The following LRRC37A2 variants were observed in gnomAD, a reference collection of about 807,000 sequenced individuals.
LRRC37A2 encodes leucine-rich repeat-containing protein 37A2.
A neutral mutation model predicts 68.8 loss-of-function variants in LRRC37A2; 9 were observed. The ratio of observed to expected loss-of-function variants is 0.13; its 90% CI spans 0.08 to 0.23. The LOEUF is 0.23. Among genes scored for constraint, LRRC37A2 ranks in the 10% least tolerant of loss-of-function variants. LRRC37A2 has a pLI of 1.00. For missense variants in LRRC37A2, 168 were observed against 950.4 expected (o/e 0.18, Z 10.82); for synonymous variants, 63 against 367.6 (o/e 0.17, Z 9.48).
the LRRC37A2 span, among the ~76,000 whole-genome samples, chr17:46,784,910 G>C: frequency 1.3e-5 from 2 of 151,890 alleles, no homozygotes; most frequent in East Asian, 3.9e-4. Context: ...CGAGTAGCTG[G>C]GACTACAGGC....
At chr17:46,801,701 T>C in the LRRC37A2 span, among the ~76,000 whole-genome samples, 1 of 152,114 alleles carries the variant, frequency 6.6e-6, no homozygotes, top group African/African-American at 2.4e-5. Flanking sequence ...AGAAGATCCG[T>C]TGAGGCTGAG....
chr17:47,020,566 T>C, the LRRC37A2 span, among the ~76,000 whole-genome samples: 4 of 149,770 alleles, frequency 2.7e-5, no homozygotes, highest in Non-Finnish European at 5.9e-5. Context: ...GATCACGAGG[T>C]CAGGAGATCA....
At chr17:46,983,214 G>A in the LRRC37A2 span, among the ~76,000 whole-genome samples, 10 of 151,448 alleles carry the variant, frequency 6.6e-5, no homozygotes, top group Non-Finnish European at 1.2e-4. Context: ...AACCATCCAC[G>A]TCAGGAGCAG....
chr17:46,979,562 T>C, the LRRC37A2 span, among the ~76,000 whole-genome samples: 60,388 of 152,004 alleles, frequency 0.4, 12,419 homozygotes, highest in South Asian at 0.46. Context: ...CTGACTCTCT[T>C]CGCTTATTAT....
At chr17:46,429,436 GT>G in the LRRC37A2 span, among the ~76,000 whole-genome samples, 1 of 73,382 alleles carries the variant, frequency 1.4e-5, no homozygotes, top group African/African-American at 6.0e-5. Flanking sequence ...GGAAGTATGG[GT>G]GAATAAATTC....
chr17:46,944,992 G>T, the LRRC37A2 span, among the ~76,000 whole-genome samples: 1 of 152,206 alleles, frequency 6.6e-6, no homozygotes, highest in East Asian at 1.9e-4. Flanking sequence ...TATCATTCCT[G>T]TTCAGCTGGA....
the LRRC37A2 span, among the ~76,000 whole-genome samples, chr17:46,841,886 C>T: frequency 6.6e-6 from 1 of 152,252 alleles, no homozygotes; most frequent in Non-Finnish European, 1.5e-5. Flanking sequence ...TCTTGCGCTC[C>T]TCTGCGGTGT....
chr17:46,934,338 A>T, the LRRC37A2 span, among the ~76,000 whole-genome samples: 1 of 152,166 alleles, frequency 6.6e-6, no homozygotes, highest in Non-Finnish European at 1.5e-5. Context: ...CCCTGTCTCT[A>T]CCAAAAATAC....
the LRRC37A2 span, among the ~76,000 whole-genome samples, chr17:46,772,136 C>A: frequency 6.6e-6 from 1 of 152,150 alleles, no homozygotes; most frequent in African/African-American, 2.4e-5. Flanking sequence ...TGGGCGCGAA[C>A]CTGGGTTCAA....
the LRRC37A2 span, among the ~76,000 whole-genome samples, chr17:47,001,311 TCTAGTGGCCA>T: frequency 6.6e-6 from 1 of 152,124 alleles, no homozygotes; most frequent in Non-Finnish European, 1.5e-5. Flanking sequence ...GCTGCTGTCC[TCTAGTGGCCA>T]CTGGATAAAT....
At chr17:46,878,802 G>A in the LRRC37A2 span, among the ~76,000 whole-genome samples, 1 of 152,214 alleles carries the variant, frequency 6.6e-6, no homozygotes, top group African/African-American at 2.4e-5. Flanking sequence ...TGCCAGGGTC[G>A]TGGGAGGGCA....
the LRRC37A2 span, among the ~76,000 whole-genome samples, chr17:47,014,900 A>G: frequency 2.0e-5 from 3 of 152,190 alleles, no homozygotes; most frequent in East Asian, 5.8e-4. Context: ...ATCATTTACA[A>G]TCATGTGCTG....
At chr17:46,768,834 G>A in the LRRC37A2 span, 96 of 1,604,564 alleles carry the variant, frequency 6.0e-5, no homozygotes, top group African/African-American at 5.7e-4. This position sits in a 1 kb window ranked among gnomAD's most constrained non-coding sequence, Gnocchi z 5.0. Flanking sequence ...CCAACAGACC[G>A]ACCCCACGAG....
chr17:46,839,491 C>T, the LRRC37A2 span, among the ~76,000 whole-genome samples: 2 of 152,290 alleles, frequency 1.3e-5, no homozygotes, highest in East Asian at 3.9e-4. Context: ...GTCAAGGCAG[C>T]CATGACTGCC....
chr17:46,558,080 GT>G (rs1267273785), downstream of LRRC37A2, among the ~76,000 whole-genome samples: 6 of 136,820 alleles, frequency 4.4e-5, no homozygotes, highest in African/African-American at 1.7e-4. Flanking sequence ...TTCTTTTAAG[GT>G]GGAGTTTTGC....
chr17:46,818,738 C>A, the LRRC37A2 span: 14 of 835,070 alleles, frequency 1.7e-5, no homozygotes, highest in South Asian at 4.6e-5. Context: ...CAGCCGCCCC[C>A]CTCCCGAGCC....
the LRRC37A2 span, chr17:47,024,766 TATATTTATGAGTTTTTAGTC>T: frequency 2.6e-6 from 2 of 784,276 alleles, no homozygotes; most frequent in Non-Finnish European, 4.6e-6. Flanking sequence ...GTTAGTTAAT[TATATTTATGAGTTTTTAGTC>T]ATATTATCTG....
At chr17:46,875,489 G>A in the LRRC37A2 span, 109 of 1,334,844 alleles carry the variant, frequency 8.2e-5, no homozygotes, top group African/African-American at 1.5e-3. Context: ...CTTCATAAAG[G>A]CAGGATGAAC....
the LRRC37A2 span, among the ~76,000 whole-genome samples, chr17:47,027,389 A>G: frequency 7.7e-4 from 117 of 152,328 alleles, no homozygotes; most frequent in African/African-American, 2.7e-3. Context: ...AGACTCTAGG[A>G]GAGGTATGGG....
Sources: allele counts gnomAD v4.1 joint callset (sites outside exome capture counted in the v4.1 genomes callset), GRCh38; gene constraint gnomAD v4.1.1; non-coding constraint Gnocchi (gnomAD v3.1); transcripts MANE v1.5; gene names NCBI Gene and HGNC (gene_info 2026-07-23, HGNC 2026-07-21).